Variants in CEP85 observed in about 807,000 individuals in gnomAD.
CEP85 encodes the protein centrosomal protein of 85 kDa.
Under a neutral mutation model 93.7 loss-of-function variants are expected in CEP85, and 58 were observed. That is an observed-to-expected ratio of 0.62 (90% confidence interval 0.50 to 0.77). CEP85 has a LOEUF of 0.77. CEP85 is among the 30% of genes least tolerant of loss of function. The pLI, the probability that CEP85 is intolerant of heterozygous loss-of-function variation, is 0.00. For missense variants in CEP85, 868 were observed against 922.0 expected (o/e 0.94, Z 0.76); for synonymous variants, 314 against 338.6 (o/e 0.93, Z 0.80).
rs1434578662 is a variant in CEP85, at chr1:26,277,162, T to A, written c.2155T>A (p.Leu719Met). ...ACAGCACCCAGAGACTCAGCTAGAT[T>A]TGCAGAAGCCAGATGTGATCAAGAG... Reference protein sequence around the residue: ...HSQHPETQLDLQKPDVIKRKL... With the variant: ...HSQHPETQLDMQKPDVIKRKL... The change falls in exon 14 of 14, where the codon TTG becomes ATG. Residue 719 changes from leucine to methionine, a missense_variant. By Grantham distance (15) the Leu-to-Met change is conservative. Coordinates refer to ENST00000451429, the MANE Select transcript of CEP85 (RefSeq NM_001319944.2). 3 of 1,613,974 alleles carry A rather than the reference T, an allele frequency of 1.9e-6. No homozygotes were observed. The highest frequency in any genetic ancestry group is 1.7e-5 in the Admixed American group (1 of 60,026).
chr1:26,241,938 A>AT (rs1442354825), intron 2 of CEP85, among the ~76,000 whole-genome samples: 1 of 151,594 alleles, frequency 6.6e-6, no homozygotes, highest in Non-Finnish European at 1.5e-5. Context: ...ATTTTTTTGT[A>AT]TTTTTAGTAG....
In CEP85 at chr1:26,255,224, A is replaced by G. The variant is rs762214483; in HGVS notation, c.262A>G (p.Thr88Ala). Residue 88 changes from threonine to alanine, a missense_variant, in exon 4 of 14, where the codon ACC (threonine) becomes GCC (alanine). Transcript: ENST00000451429. ...PPFQPIKSHV[T>A]IPTAHVMPST... is the part of the protein sequence containing the mutation. ...TTTCCAGCCCATCAAAAGCCACGTA[A>G]CCATTCCAACAGCCCATGTGATGCC... The G allele has an allele frequency of 3.1e-6, 5 of 1,613,952 alleles. No individual in the cohort carries two copies. The African/African-American group carries it at 5.3e-5, about 17-fold the overall frequency.
At chr1:26,240,595 C>T (rs747821864) in intron 2 of CEP85, among the ~76,000 whole-genome samples, 3 of 151,956 alleles carry the variant, frequency 2.0e-5, no homozygotes, top group African/African-American at 4.8e-5. Flanking sequence ...AATTCACAAA[C>T]GTAGAAACCA....
intron 7 of CEP85, among the ~76,000 whole-genome samples, chr1:26,266,208 T>TA (rs1018564690): frequency 3.5e-4 from 52 of 146,662 alleles, no homozygotes; most frequent in East Asian, 7.9e-4. Context: ...AAACTCCATC[T>TA]AAAAAAAAAA....
chr1:26,274,302 A>C (rs10902731), intron 11 of CEP85, among the ~76,000 whole-genome samples: 1 of 151,946 alleles, frequency 6.6e-6, no homozygotes, highest in Admixed American at 6.6e-5. Context: ...CTTGACTGTT[A>C]ACTCCTAAAA....
chr1:26,249,875 A>G (rs1269985857), intron 3 of CEP85, among the ~76,000 whole-genome samples: 1 of 152,102 alleles, frequency 6.6e-6, no homozygotes, highest in Non-Finnish European at 1.5e-5. Flanking sequence ...CATGCATTGT[A>G]TTTTTTAAAG....
chr1:26,250,925 C>CTTTTTTT lies in CEP85; in HGVS notation c.209-4240_209-4239insTTTTTTT, dbSNP rs71581048. 1.2e-3 allele frequency among the ~76,000 whole-genome samples: 68 copies of CTTTTTTT among 55,130 alleles called. 9 individuals are homozygous for CTTTTTTT. Among genetic ancestry groups the CTTTTTTT allele is most frequent in the East Asian group, 7.6e-3 (13 of 1,712 alleles). 36.2% of individuals were successfully genotyped at this position (55,130 alleles called of 152,430 possible). On this transcript the variant is annotated intron_variant, in intron 3 of 13. Coordinates refer to ENST00000451429, the MANE Select transcript of CEP85 (RefSeq NM_001319944.2). ...TGAGCCAAGCTTGCCTTTTTTTTTT[C>CTTTTTTT]TTTTTTCTTTTTTTTTTTTTTTTTT...
chr1:26,253,862 C>T (rs1377916905), intron 3 of CEP85, among the ~76,000 whole-genome samples: 2 of 151,640 alleles, frequency 1.3e-5, no homozygotes, highest in Non-Finnish European at 2.9e-5. Flanking sequence ...GGCAACATGG[C>T]GAAACCCCAT....
intron 5 of CEP85, 22 bp from the exon 6 acceptor site, chr1:26,258,121 C>T: frequency 6.3e-7 from 1 of 1,582,640 alleles, no homozygotes; most frequent in East Asian, 2.2e-5. Flanking sequence ...GGACCCTGAC[C>T]TGATTCTACC....
intron 3 of CEP85, among the ~76,000 whole-genome samples, chr1:26,251,431 A>G (rs1405148776): frequency 1.3e-5 from 2 of 151,782 alleles, no homozygotes; most frequent in African/African-American, 4.8e-5. Context: ...TTGTATTTTT[A>G]GTGGAGACAG....
intron 3 of CEP85, among the ~76,000 whole-genome samples, chr1:26,250,915 T>A (rs2089597090): frequency 3.4e-5 from 2 of 59,250 alleles, no homozygotes; most frequent in East Asian, 3.2e-4. Context: ...CAAGCTTGCC[T>A]TTTTTTTTTC....
At chr1:26,245,523 CT>C (rs1569972353) in intron 3 of CEP85, among the ~76,000 whole-genome samples, 3 of 152,170 alleles carry the variant, frequency 2.0e-5, no homozygotes, top group Non-Finnish European at 2.9e-5. Context: ...ATTCTTGTAT[CT>C]TTATTATCTC....
intron 8 of CEP85, among the ~76,000 whole-genome samples, 178 bp downstream of exon 8, chr1:26,268,813 CCAGA>C (rs1407662690): frequency 2.6e-5 from 4 of 152,152 alleles, no homozygotes; most frequent in Admixed American, 6.5e-5. Context: ...TTTGAGGTAC[CCAGA>C]CAGAGTCTTC....
chr1:26,255,524 C>T lies in CEP85; in HGVS notation c.562C>T (p.Leu188Phe). 2 of 1,614,118 alleles carry T rather than the reference C, an allele frequency of 1.2e-6. No homozygotes were observed. The highest frequency in any genetic ancestry group is 1.7e-6 in the Non-Finnish European group (2 of 1,180,022). The change falls in exon 4 of 14, where the codon CTC becomes TTC. Residue 188 changes from leucine to phenylalanine, a missense_variant. Transcript: ENST00000451429. ...KFDIPSMEST[L>F]NQSAMMETLY... is the part of the protein sequence containing the mutation. ...TGATATTCCTAGCATGGAATCTACC[C>T]TCAATCAGTCGGCAATGATGGAGAC...
intron 2 of CEP85, among the ~76,000 whole-genome samples, chr1:26,240,854 C>T (rs893473995): frequency 6.6e-5 from 10 of 151,176 alleles, no homozygotes; most frequent in African/African-American, 9.8e-5. Context: ...GCTGAGATGA[C>T]GCCACTGCAC....
chr1:26,270,742 T>A (rs2089962045), intron 9 of CEP85, among the ~76,000 whole-genome samples: 1 of 152,208 alleles, frequency 6.6e-6, no homozygotes, highest in African/African-American at 2.4e-5. Flanking sequence ...TAAATATGTA[T>A]TTTTTAAATA....
intron 7 of CEP85, among the ~76,000 whole-genome samples, chr1:26,261,330 G>A (rs1453707531): frequency 6.6e-6 from 1 of 151,754 alleles, no homozygotes; most frequent in African/African-American, 2.4e-5. Context: ...AAATTAGCTG[G>A]GCGTGGTGGC....
chr1:26,266,410 G>T (rs1281603239), intron 7 of CEP85, among the ~76,000 whole-genome samples: 1 of 152,038 alleles, frequency 6.6e-6, no homozygotes, highest in African/African-American at 2.4e-5. Flanking sequence ...ATCTTTCCTA[G>T]ACTTTTGTTT....
At chr1:26,240,505 A>G (rs1457114487) in intron 2 of CEP85, among the ~76,000 whole-genome samples, 1 of 152,162 alleles carries the variant, frequency 6.6e-6, no homozygotes, top group Admixed American at 6.6e-5. Flanking sequence ...AAATAGTTAT[A>G]CTGTATTGTT....
Sources: allele counts gnomAD v4.1 joint callset (sites outside exome capture counted in the v4.1 genomes callset), GRCh38; gene constraint gnomAD v4.1.1; transcripts MANE v1.5; gene names NCBI Gene and HGNC (gene_info 2026-07-23, HGNC 2026-07-21).